The following SLC8A1 variants were observed in gnomAD, a reference collection of about 807,000 sequenced individuals.
SLC8A1 encodes the protein sodium/calcium exchanger 1.
SLC8A1 carries 18 observed loss-of-function variants against 68.3 expected under a neutral mutation model. That is an observed-to-expected ratio of 0.26 (90% confidence interval 0.18 to 0.39). The LOEUF (loss-of-function observed/expected upper bound fraction) is 0.39. Ranked by LOEUF, SLC8A1 falls within the 10% of genes least tolerant of loss-of-function variation. The probability of loss-of-function intolerance (pLI) is 1.00; values close to 1 mark genes in which losing one functional copy is unlikely to be tolerated. For missense variants in SLC8A1, 985 were observed against 1,156.7 expected, an observed-to-expected ratio of 0.85 and a Z score of 2.15; for synonymous variants, 475 against 415.5, an observed-to-expected ratio of 1.14 and a Z score of -1.74.
At chr2:40,409,391 A>C (rs1001754280) in intron 2 of SLC8A1, among the ~76,000 whole-genome samples, 4 of 152,146 alleles carry the variant, frequency 2.6e-5, no homozygotes, top group Non-Finnish European at 5.9e-5. Flanking sequence ...ATGGATTCTT[A>C]GGCTCTTTGT....
intron 1 of SLC8A1, among the ~76,000 whole-genome samples, chr2:40,441,869 T>A (rs1180484600): frequency 2.0e-5 from 3 of 152,026 alleles, no homozygotes; most frequent in African/African-American, 4.8e-5. Context: ...AAAGACTTCA[T>A]GACTACATCA....
At chr2:40,181,154 T>C (rs1022550433) in intron 2 of SLC8A1, among the ~76,000 whole-genome samples, 3 of 152,142 alleles carry the variant, frequency 2.0e-5, no homozygotes, top group Non-Finnish European at 4.4e-5. Context: ...GAGACAGGGT[T>C]TCACCATGTT....
intron 2 of SLC8A1, among the ~76,000 whole-genome samples, chr2:40,419,695 G>T (rs756206951): frequency 1.3e-5 from 2 of 152,088 alleles, no homozygotes; most frequent in Middle Eastern, 3.2e-3. Flanking sequence ...ACTTATCCTT[G>T]TAACATTAGG....
At chr2:40,371,951 C>A (rs1288749362) in intron 2 of SLC8A1, among the ~76,000 whole-genome samples, 1 of 152,092 alleles carries the variant, frequency 6.6e-6, no homozygotes, top group East Asian at 1.9e-4. Flanking sequence ...GTACATGGAA[C>A]TGGGATGTAA....
intron 2 of SLC8A1, among the ~76,000 whole-genome samples, chr2:40,238,541 G>T (rs112570763): frequency 6.6e-6 from 1 of 152,166 alleles, no homozygotes; most frequent in African/African-American, 2.4e-5. Context: ...TACCTCAGAT[G>T]GAAATGCAGA....
At chr2:40,395,236 G>C (rs137943478) in intron 2 of SLC8A1, among the ~76,000 whole-genome samples, 265 of 152,232 alleles carry the variant, frequency 1.7e-3, no homozygotes, top group African/African-American at 6.0e-3. Context: ...AACATCAACA[G>C]TTTCATTTCT....
At chr2:40,144,554 T>C (rs1011182348) in intron 6 of SLC8A1, among the ~76,000 whole-genome samples, 2 of 152,066 alleles carry the variant, frequency 1.3e-5, no homozygotes, top group Non-Finnish European at 2.9e-5. Flanking sequence ...TAGTGTTATA[T>C]AGATACAGTG....
rs2069421198 is a variant in SLC8A1, at chr2:40,291,992, G to T, written c.1809-114137C>A. 2.7e-5 allele frequency among the ~76,000 whole-genome samples: 4 copies of T among 150,450 alleles called. No homozygotes were observed. The Admixed American group carries it at 2.7e-4, about 10-fold the overall frequency. ...ACCTTTATAATCAACGTATGTCAGA[G>T]ATCTAACATCATATTAACTTCTAGC... On this transcript the variant is annotated intron_variant, in intron 2 of 7. Coordinates refer to ENST00000406785, the Ensembl canonical transcript of SLC8A1.
intron 2 of SLC8A1, among the ~76,000 whole-genome samples, chr2:40,221,370 T>TA (rs2058309226): frequency 6.6e-6 from 1 of 152,162 alleles, no homozygotes; most frequent in Non-Finnish European, 1.5e-5. Context: ...TAGGTATTGA[T>TA]AGAACGTATT....
At chr2:40,474,468 C>T (rs956529107) in intron 1 of SLC8A1, among the ~76,000 whole-genome samples, 1 of 152,162 alleles carries the variant, frequency 6.6e-6, no homozygotes, top group Non-Finnish European at 1.5e-5. Context: ...TGACACCTCA[C>T]TACTTCCTAA....
chr2:40,341,259 G>A (rs1457467583), intron 2 of SLC8A1, among the ~76,000 whole-genome samples: 6 of 152,172 alleles, frequency 3.9e-5, no homozygotes, highest in African/African-American at 1.4e-4. Context: ...ATCTCAAAGA[G>A]CACTAATGAG....
chr2:40,231,024 T>G (rs907443462), intron 2 of SLC8A1, among the ~76,000 whole-genome samples: 9 of 152,206 alleles, frequency 5.9e-5, no homozygotes, highest in African/African-American at 1.9e-4. Context: ...CAATTTTTAG[T>G]GACCTGCCAC....
chr2:40,498,770 T>C (rs933134719), intron 1 of SLC8A1, among the ~76,000 whole-genome samples: 2 of 152,042 alleles, frequency 1.3e-5, no homozygotes, highest in Non-Finnish European at 2.9e-5. Flanking sequence ...ACATTTTCAA[T>C]GGATATCAAA....
chr2:40,497,780 A>G (rs1433715696), intron 1 of SLC8A1, among the ~76,000 whole-genome samples: 1 of 152,094 alleles, frequency 6.6e-6, no homozygotes, highest in South Asian at 2.1e-4. Flanking sequence ...GGTCTTTGGT[A>G]TTAAGTTAAT....
intron 7 of SLC8A1, among the ~76,000 whole-genome samples, chr2:40,124,772 A>G (rs1048524494): frequency 2.6e-5 from 4 of 152,260 alleles, no homozygotes; most frequent in Non-Finnish European, 5.9e-5. Flanking sequence ...TAGAAAAAAT[A>G]AATTGCAACT....
intron 2 of SLC8A1, among the ~76,000 whole-genome samples, chr2:40,224,419 G>C (rs1013619999): frequency 5.9e-5 from 9 of 152,100 alleles, no homozygotes; most frequent in African/African-American, 2.2e-4. Context: ...CATTTTGTGA[G>C]AAAAGAGGCA....
At chr2:40,358,037 T>C (rs1262564260) in intron 2 of SLC8A1, among the ~76,000 whole-genome samples, 1 of 109,682 alleles carries the variant, frequency 9.1e-6, no homozygotes, top group Admixed American at 1.2e-4. Flanking sequence ...AAACAATACA[T>C]GCAACTGAAG....
At chr2:40,419,060 G>A (rs534906574) in intron 2 of SLC8A1, among the ~76,000 whole-genome samples, 5 of 152,306 alleles carry the variant, frequency 3.3e-5, no homozygotes, top group Admixed American at 2.0e-4. Flanking sequence ...CTGAACATTC[G>A]TACATCCATC....
intron 2 of SLC8A1, among the ~76,000 whole-genome samples, chr2:40,370,313 C>G (rs183274801): frequency 6.6e-6 from 1 of 152,214 alleles, no homozygotes; most frequent in Non-Finnish European, 1.5e-5. Context: ...GACACCAGAA[C>G]CCTAGGGAAT....
Sources: gnomAD v4.1 joint callset for allele counts (sites outside exome capture counted in the v4.1 genomes callset) on GRCh38, gnomAD v4.1.1 for gene constraint, MANE v1.5 for transcripts, NCBI Gene and HGNC (gene_info 2026-07-23, HGNC 2026-07-21) for gene names.